Variants in TMEM108 observed in about 807,000 individuals in gnomAD.
The protein encoded by TMEM108 is cancer/testis antigen 124.
TMEM108 carries 12 observed loss-of-function variants against 35.1 expected under a neutral mutation model. The ratio of observed to expected loss-of-function variants is 0.34; its 90% CI spans 0.22 to 0.55. The LOEUF (loss-of-function observed/expected upper bound fraction) is 0.55. Among genes scored for constraint, TMEM108 ranks in the 20% least tolerant of loss-of-function variants. TMEM108 has a pLI of 0.89. For missense variants in TMEM108, 680 were observed against 753.3 expected (o/e 0.90, Z 1.14); for synonymous variants, 287 against 308.6 (o/e 0.93, Z 0.73).
At chr3:133,224,550 A>T (rs1946040060) in intron 2 of TMEM108, among the ~76,000 whole-genome samples, 1 of 152,114 alleles carries the variant, frequency 6.6e-6, no homozygotes, top group Non-Finnish European at 1.5e-5. Flanking sequence ...GGTTTTCCCT[A>T]TACTGTTCTC....
intron 3 of TMEM108, among the ~76,000 whole-genome samples, chr3:133,306,663 C>T (rs1298769320): frequency 1.3e-5 from 2 of 152,110 alleles, no homozygotes; most frequent in Non-Finnish European, 2.9e-5. Flanking sequence ...TGATAGTTTC[C>T]AGCTTCATCC....
At chr3:133,330,007 C>T (rs1036472618) in intron 3 of TMEM108, among the ~76,000 whole-genome samples, 2 of 152,078 alleles carry the variant, frequency 1.3e-5, no homozygotes, top group African/African-American at 4.8e-5. Context: ...TTATGCTTTG[C>T]ATCTGGCAGT....
chr3:133,391,585 C>G (rs888516004), intron 5 of TMEM108, among the ~76,000 whole-genome samples: 1 of 152,218 alleles, frequency 6.6e-6, no homozygotes, highest in Admixed American at 6.5e-5. Context: ...ACCCCTCTCC[C>G]CATCTTTTGC....
intron 3 of TMEM108, among the ~76,000 whole-genome samples, chr3:133,359,586 A>G (rs574630978): frequency 1.9e-4 from 29 of 152,198 alleles, no homozygotes; most frequent in Non-Finnish European, 3.8e-4. Flanking sequence ...AGGAACTGGT[A>G]ATGCTACTCA....
intron 2 of TMEM108, among the ~76,000 whole-genome samples, chr3:133,064,313 T>C (rs1943569907): frequency 6.6e-6 from 1 of 152,196 alleles, no homozygotes; most frequent in South Asian, 2.1e-4. Context: ...GAAATTAATA[T>C]ACGTTTAACT....
chr3:133,375,741 G>A (rs1265372234), intron 3 of TMEM108, among the ~76,000 whole-genome samples: 3 of 152,188 alleles, frequency 2.0e-5, no homozygotes, highest in Non-Finnish European at 4.4e-5. Flanking sequence ...GCACAACATT[G>A]TAGGGATTTT....
chr3:133,095,202 A>C (rs1026763327), intron 2 of TMEM108, among the ~76,000 whole-genome samples: 7 of 152,214 alleles, frequency 4.6e-5, no homozygotes, highest in Non-Finnish European at 8.8e-5. Context: ...TCTTTAGTTC[A>C]CATAATGGAG....
At chr3:133,111,130 A>G (rs1944219253) in intron 2 of TMEM108, among the ~76,000 whole-genome samples, 1 of 152,176 alleles carries the variant, frequency 6.6e-6, no homozygotes. Flanking sequence ...TGTCTGAACT[A>G]TGGTAGCCAT....
intron 1 of TMEM108, among the ~76,000 whole-genome samples, chr3:133,040,121 G>T (rs1943255002): frequency 6.6e-6 from 1 of 151,918 alleles, no homozygotes; most frequent in African/African-American, 2.4e-5. Context: ...GTGAAATATA[G>T]GTTGTCACCT....
rs888199833 is a variant in TMEM108 at position 133,185,754 on chromosome 3, C to T, written c.-46-43512C>T. Among the ~76,000 whole-genome samples the T allele has an allele frequency of 2.1e-5, 3 of 145,252 alleles. No homozygotes were observed. In the Admixed American group the frequency reaches 2.2e-4, roughly 11 times the overall value. On this transcript the variant is annotated intron_variant, in intron 2 of 5. Transcript: ENST00000321871. ...CTGCCTTTGGCCAATGAATTGGGGA[C>T]CTTGCGTTTCTTTTCTTTTCTTTTC...
intron 2 of TMEM108, among the ~76,000 whole-genome samples, chr3:133,166,947 C>T (rs1488282499): frequency 1.3e-5 from 2 of 152,128 alleles, no homozygotes; most frequent in South Asian, 2.1e-4. Context: ...CTGATTGGTC[C>T]GTTTGGACAG....
At chr3:133,092,634 A>G (rs927661597) in intron 2 of TMEM108, among the ~76,000 whole-genome samples, 8 of 152,166 alleles carry the variant, frequency 5.3e-5, no homozygotes, top group African/African-American at 1.9e-4. Flanking sequence ...TTCACTTAAG[A>G]TTAAATCCTA....
intron 2 of TMEM108, among the ~76,000 whole-genome samples, chr3:133,222,832 A>T (rs1576392754): frequency 1.3e-5 from 2 of 151,706 alleles, no homozygotes; most frequent in African/African-American, 2.4e-5. Context: ...AACTTCCTTC[A>T]TACAATTATT....
At chr3:133,273,359 T>G (rs1283626228) in intron 3 of TMEM108, among the ~76,000 whole-genome samples, 1 of 152,232 alleles carries the variant, frequency 6.6e-6, no homozygotes, top group African/African-American at 2.4e-5. Flanking sequence ...TCTTAGATTC[T>G]TTCTTTTGTT....
At chr3:133,214,738 G>A (rs1446123398) in intron 2 of TMEM108, among the ~76,000 whole-genome samples, 1 of 152,190 alleles carries the variant, frequency 6.6e-6, no homozygotes, top group East Asian at 1.9e-4. Context: ...GGATGCATTA[G>A]CAGGAGGTGA....
chr3:133,330,090 A>G (rs1172257858), intron 3 of TMEM108, among the ~76,000 whole-genome samples: 1 of 152,224 alleles, frequency 6.6e-6, no homozygotes, highest in Non-Finnish European at 1.5e-5. Context: ...TGCCATAAAT[A>G]CTTCTAGCTA....
At chr3:133,091,228 C>T (rs1011844141) in intron 2 of TMEM108, among the ~76,000 whole-genome samples, 4 of 152,100 alleles carry the variant, frequency 2.6e-5, no homozygotes, top group African/African-American at 9.7e-5. Flanking sequence ...TTGAACTTTT[C>T]CATATATTTG....
intron 2 of TMEM108, among the ~76,000 whole-genome samples, chr3:133,054,756 T>C (rs1288489257): frequency 6.6e-6 from 1 of 152,222 alleles, no homozygotes; most frequent in East Asian, 1.9e-4. Context: ...CTGGCTCTAT[T>C]TGGACCTGCA....
chr3:133,057,435 G>GTATATATATATATATATA (rs56983894), intron 2 of TMEM108, among the ~76,000 whole-genome samples: 1 of 45,746 alleles, frequency 2.2e-5, no homozygotes, highest in African/African-American at 7.0e-5. Flanking sequence ...GTGTGTGTGT[G>GTATATATATATATATATA]TATATATATA....
Sources: gnomAD v4.1 joint callset for allele counts (sites outside exome capture counted in the v4.1 genomes callset) on GRCh38, gnomAD v4.1.1 for gene constraint, MANE v1.5 for transcripts, NCBI Gene and HGNC (gene_info 2026-07-23, HGNC 2026-07-21) for gene names.